Variants in UIMC1 observed in about 807,000 individuals in gnomAD.
The protein encoded by UIMC1 is BRCA1-A complex subunit RAP80.
Under a neutral mutation model 84.9 loss-of-function variants are expected in UIMC1, and 42 were observed. The observed-to-expected ratio is 0.49, with a 90% CI of 0.39 to 0.64. UIMC1 has a LOEUF of 0.64. UIMC1 is among the 30% of genes least tolerant of loss of function. The pLI is 0.00. For missense variants in UIMC1, 825 were observed against 847.6 expected (o/e 0.97, Z 0.33); for synonymous variants, 281 against 293.0 (o/e 0.96, Z 0.42).
At position 176,969,008 on chromosome 5, in the gene UIMC1, A is replaced by T. The variant is rs772199450; in HGVS notation, c.747T>A (p.Gly249=). ...RGSAFLKAVQ[G]SGDTSRHCLP... is the part of the protein sequence containing the mutation. ...GACAGTGCCTAGATGTGTCCCCGCT[A>T]CCCTGGACAGCTTTGAGAAAAGCAG... The change falls in exon 6 of 15, where the codon GGT becomes GGA. Residue 249 remains glycine, a synonymous_variant. Transcript: ENST00000511320. 5 of 1,614,132 alleles carry T rather than the reference A, an allele frequency of 3.1e-6. No individual in the cohort carries two copies. The South Asian group carries it at 5.5e-5, about 18-fold the overall frequency.
chr5:176,986,228 CGT>C (rs1189032293), intron 1 of UIMC1, among the ~76,000 whole-genome samples: 7 of 151,372 alleles, frequency 4.6e-5, no homozygotes, highest in Non-Finnish European at 7.4e-5. Flanking sequence ...GGCGTGGTGG[CGT>C]GTGACTATAA....
intron 1 of UIMC1, among the ~76,000 whole-genome samples, chr5:177,002,315 CAATT>C (rs1273927464): frequency 1.3e-5 from 2 of 151,760 alleles, no homozygotes; most frequent in African/African-American, 4.8e-5. Context: ...AAAAATAAAA[CAATT>C]AACCTCTGGT....
chr5:176,917,118 CCTG>C (rs1761075415), intron 10 of UIMC1, among the ~76,000 whole-genome samples: 2 of 152,198 alleles, frequency 1.3e-5, no homozygotes, highest in Admixed American at 1.3e-4. Context: ...TGTGTCTTTT[CCTG>C]CTAAGATCAC....
At chr5:176,978,268 G>C (rs1770462590) in intron 2 of UIMC1, among the ~76,000 whole-genome samples, 1 of 151,986 alleles carries the variant, frequency 6.6e-6, no homozygotes, top group Non-Finnish European at 1.5e-5. Context: ...AGCTACTCGC[G>C]AGGCTGAGGC....
In UIMC1 at chr5:176,990,221, G is replaced by C. The variant is rs547001092; in HGVS notation, c.-8-7598C>G. On this transcript the variant is annotated intron_variant, in intron 1 of 14. Coordinates refer to ENST00000511320, the MANE Select transcript of UIMC1 (RefSeq NM_001199298.2). ...AAACAAAGAAAGAAATGGGGACTTA[G>C]GGAAGTCATGAAGACACAGCACTCA... Among the ~76,000 whole-genome samples the C allele has an allele frequency of 1.3e-4, 19 of 151,792 alleles. No individual in the cohort carries two copies. In the South Asian group the frequency reaches 3.5e-3, roughly 28 times the overall value.
intron 1 of UIMC1, among the ~76,000 whole-genome samples, chr5:176,995,751 G>A (rs748916277): frequency 8.0e-5 from 12 of 149,428 alleles, no homozygotes; most frequent in Admixed American, 1.4e-4. Context: ...GTTGAGGCAG[G>A]ACAATCGCTT....
chr5:176,986,488 C>T (rs1430309524), intron 1 of UIMC1, among the ~76,000 whole-genome samples: 1 of 146,506 alleles, frequency 6.8e-6, no homozygotes, highest in Non-Finnish European at 1.5e-5. Context: ...TATGATCATG[C>T]CGATGAACTT....
At chr5:176,994,598 G>C (rs1451937771) in intron 1 of UIMC1, among the ~76,000 whole-genome samples, 1 of 151,950 alleles carries the variant, frequency 6.6e-6, no homozygotes, top group Middle Eastern at 3.4e-3. Context: ...CCAATGCGTG[G>C]AACAGGAGGA....
At chr5:176,958,013 TAC>T in intron 7 of UIMC1, 78 bp downstream of exon 7, 2 of 1,400,764 alleles carry the variant, frequency 1.4e-6, no homozygotes, top group Non-Finnish European at 2.0e-6. Context: ...GCTGTCCACG[TAC>T]AGTCTCACTC....
At chr5:176,959,282 C>T (rs1050781362) in intron 6 of UIMC1, among the ~76,000 whole-genome samples, 1 of 152,154 alleles carries the variant, frequency 6.6e-6, no homozygotes, top group Non-Finnish European at 1.5e-5. Context: ...AATGCTGACA[C>T]CTAGTGTCCA....
rs138174417 is a variant in UIMC1, at chr5:176,971,451, C to T, written c.233-585G>A. 7.7e-3 allele frequency among the ~76,000 whole-genome samples: 1,172 copies of T among 152,236 alleles called. 11 individuals are homozygous for T. The highest frequency in any genetic ancestry group is 0.012 in the Non-Finnish European group (829 of 68,028). ...CTAGAATATTTGTCACTGTATTAGA[C>T]ACTACTAGACACTATTAAGCAAAGA... On this transcript the variant is annotated intron_variant, in intron 3 of 14. Coordinates refer to ENST00000511320, the MANE Select transcript of UIMC1 (RefSeq NM_001199298.2).
chr5:176,917,185 C>T lies in UIMC1; in HGVS notation c.1598-5796G>A, dbSNP rs192446185. ...GGGATATAAGGAAAAGAAGGGAAGA[C>T]GAGCTCCACCTGCACAGAGTGAGGC... On this transcript the variant is annotated intron_variant, in intron 10 of 14. Transcript: ENST00000511320. Among the ~76,000 whole-genome samples the T allele has an allele frequency of 2.0e-4, 30 of 152,338 alleles. No individual in the cohort carries two copies. The East Asian group carries it at 2.9e-3, about 15-fold the overall frequency.
At chr5:176,933,671 G>A (rs1335925118) in intron 10 of UIMC1, among the ~76,000 whole-genome samples, 2 of 151,858 alleles carry the variant, frequency 1.3e-5, no homozygotes, top group South Asian at 4.2e-4. Flanking sequence ...GAAGTAACTG[G>A]GACTACAGGC....
intron 1 of UIMC1, among the ~76,000 whole-genome samples, chr5:176,984,299 C>A (rs1401709704): frequency 1.7e-5 from 2 of 120,862 alleles, no homozygotes; most frequent in Non-Finnish European, 3.8e-5. Context: ...CCGGCCGCCA[C>A]CCCGTCTGGG....
At chr5:177,010,075 A>G (rs555437036), upstream of UIMC1, among the ~76,000 whole-genome samples, 2 of 151,962 alleles carry the variant, frequency 1.3e-5, no homozygotes, top group East Asian at 1.9e-4. Context: ...AAGTAGCCGC[A>G]TGTGGTGGTG....
chr5:176,986,922 T>C (rs1001366683), intron 1 of UIMC1, among the ~76,000 whole-genome samples: 3 of 151,998 alleles, frequency 2.0e-5, no homozygotes, highest in Admixed American at 6.6e-5. Flanking sequence ...AAGAAACACA[T>C]TAAAAAACTA....
intron 1 of UIMC1, among the ~76,000 whole-genome samples, chr5:176,992,943 T>C (rs1017048008): frequency 6.6e-6 from 1 of 152,122 alleles, no homozygotes; most frequent in Non-Finnish European, 1.5e-5. Context: ...CCCAGCACTT[T>C]GGGAGGCTGA....
chr5:176,970,675 C>T, intron 4 of UIMC1, 67 bp downstream of exon 4: 4 of 1,611,324 alleles, frequency 2.5e-6, no homozygotes, highest in Non-Finnish European at 3.4e-6. Context: ...AATGCAACTA[C>T]AACACCACAG....
intron 1 of UIMC1, among the ~76,000 whole-genome samples, chr5:177,005,684 T>C (rs975313460): frequency 6.6e-6 from 1 of 151,850 alleles, no homozygotes; most frequent in Non-Finnish European, 1.5e-5. Context: ...AAAACACACT[T>C]TCATTCGACT....
Sources: gnomAD v4.1 joint callset for allele counts (sites outside exome capture counted in the v4.1 genomes callset) on GRCh38, gnomAD v4.1.1 for gene constraint, MANE v1.5 for transcripts, NCBI Gene and HGNC (gene_info 2026-07-23, HGNC 2026-07-21) for gene names.